Variants in IGF1R observed in about 807,000 individuals in gnomAD.
IGF1R encodes insulin-like growth factor 1 receptor.
In IGF1R, 44 loss-of-function variants were observed where a neutral mutation model predicts 144.6. The observed-to-expected ratio is 0.30, with a 90% CI of 0.24 to 0.39. The LOEUF (loss-of-function observed/expected upper bound fraction) is 0.39. IGF1R is among the 10% of genes least tolerant of loss of function. The pLI is 1.00. For missense variants in IGF1R, 1,355 were observed against 1,833.7 expected (o/e 0.74, Z 4.77); for synonymous variants, 795 against 722.8 (o/e 1.10, Z -1.60).
At chr15:98,713,897 G>C (rs554372988) in intron 2 of IGF1R, among the ~76,000 whole-genome samples, 1 of 152,190 alleles carries the variant, frequency 6.6e-6, no homozygotes, top group Non-Finnish European at 1.5e-5. Context: ...AGAAGGCCTG[G>C]GCTTTGCCAG....
At chr15:98,872,726 C>T (rs1219399760) in intron 2 of IGF1R, among the ~76,000 whole-genome samples, 1 of 152,174 alleles carries the variant, frequency 6.6e-6, no homozygotes, top group Non-Finnish European at 1.5e-5. Context: ...TTCATTCTAA[C>T]CCGAGAGTCC....
intron 2 of IGF1R, among the ~76,000 whole-genome samples, chr15:98,717,032 C>T (rs2054134110): frequency 1.3e-5 from 2 of 152,194 alleles, no homozygotes; most frequent in Non-Finnish European, 2.9e-5. Flanking sequence ...GTACAGCTTT[C>T]CCCTGCTTGT....
chr15:98,715,711 A>G (rs773737795), intron 2 of IGF1R, among the ~76,000 whole-genome samples: 13 of 152,138 alleles, frequency 8.5e-5, no homozygotes, highest in Non-Finnish European at 1.5e-4. Flanking sequence ...CATCACTTAG[A>G]AACACGCCTC....
chr15:98,777,223 C>G (rs1426955557), intron 2 of IGF1R, among the ~76,000 whole-genome samples: 2 of 152,238 alleles, frequency 1.3e-5, no homozygotes, highest in African/African-American at 4.8e-5. Context: ...GGATTTTGCA[C>G]TTGCCGCAGT....
At chr15:98,795,776 T>G (rs2056227821) in intron 2 of IGF1R, among the ~76,000 whole-genome samples, 1 of 152,206 alleles carries the variant, frequency 6.6e-6, no homozygotes, top group Non-Finnish European at 1.5e-5. Flanking sequence ...AAATGCTGTT[T>G]CCTGAGAACT....
At chr15:98,957,040 T>C (rs1024536752) in intron 20 of IGF1R, 21 bp from the exon 21 acceptor site, 4 of 1,613,892 alleles carry the variant, frequency 2.5e-6, no homozygotes, top group Non-Finnish European at 3.4e-6. Context: ...TTGGACCCCC[T>C]CCCGTGTGTC....
In IGF1R at chr15:98,922,428, G is replaced by T. The variant is rs35224135; in HGVS notation, c.2482G>T (p.Ala828Ser). Reference protein sequence around the residue: ...SNFVFARTMPAEGADDIPGPV... With the variant: ...SNFVFARTMPSEGADDIPGPV... ...CTTCGTCTTTGCAAGGACTATGCCC[G>T]CAGGTATGGTATGATCCAGCTGGCC... Residue 828 changes from alanine to serine, a missense_variant, in exon 11 of 21, where the codon GCA becomes TCA. Ala to Ser is a moderately conservative substitution (Grantham distance 99). Coordinates refer to ENST00000650285, the MANE Select transcript of IGF1R (RefSeq NM_000875.5). 1.2e-6 allele frequency: 2 copies of T among 1,609,526 alleles called. No individual in the cohort carries two copies. Among genetic ancestry groups the T allele is most frequent in the South Asian group, 1.1e-5 (1 of 91,040 alleles).
In IGF1R at chr15:98,661,313, C is replaced by T. The variant is rs893971244; in HGVS notation, c.94+11638C>T. Among the ~76,000 whole-genome samples the T allele has an allele frequency of 2.0e-4, 30 of 152,116 alleles. 1 individual carries two copies. The highest frequency in any genetic ancestry group is 1.8e-3 in the Admixed American group (27 of 15,276). The stretch of plus-strand genomic sequence containing the variant: ...CTTTGACAGTGTCCTGGTAGGGCGA[C>T]GGTGAGGCCAGCTCCCGACCTCTGG... On this transcript the variant is annotated intron_variant, in intron 1 of 20. Transcript: ENST00000650285.
At chr15:98,868,123 G>A (rs983414030) in intron 2 of IGF1R, among the ~76,000 whole-genome samples, 14 of 152,154 alleles carry the variant, frequency 9.2e-5, no homozygotes, top group African/African-American at 2.4e-4. Flanking sequence ...GGAGTTGGGG[G>A]TTGCAGTGAG....
intron 2 of IGF1R, among the ~76,000 whole-genome samples, chr15:98,773,550 T>C (rs1238349411): frequency 6.6e-6 from 1 of 152,190 alleles, no homozygotes; most frequent in Non-Finnish European, 1.5e-5. Flanking sequence ...CATTTCCTTT[T>C]GCTCACAGCG....
At chr15:98,679,565 G>A (rs1053822058) in intron 1 of IGF1R, among the ~76,000 whole-genome samples, 18 of 152,158 alleles carry the variant, frequency 1.2e-4, no homozygotes, top group Non-Finnish European at 2.4e-4. Flanking sequence ...TGTTGATGCT[G>A]GTGTAAGCCC....
chr15:98,828,188 T>C (rs1350660745), intron 2 of IGF1R, among the ~76,000 whole-genome samples: 1 of 152,158 alleles, frequency 6.6e-6, no homozygotes, highest in Non-Finnish European at 1.5e-5. Flanking sequence ...ACAAAGGACA[T>C]AAGGTAGTTC....
intron 2 of IGF1R, chr15:98,890,572 T>G (rs1380177346): frequency 6.5e-6 from 1 of 152,852 alleles, no homozygotes; most frequent in Non-Finnish European, 1.5e-5. Flanking sequence ...TTCCTTTACT[T>G]TCCTAATCAG....
At chr15:98,748,294 G>A (rs1482738763) in intron 2 of IGF1R, among the ~76,000 whole-genome samples, 1 of 152,048 alleles carries the variant, frequency 6.6e-6, no homozygotes, top group Non-Finnish European at 1.5e-5. Context: ...AGCCTCCTGA[G>A]TAGCTGGAAC....
intron 20 of IGF1R, among the ~76,000 whole-genome samples, chr15:98,949,826 C>T (rs2016705417): frequency 6.6e-6 from 1 of 152,106 alleles, no homozygotes; most frequent in Admixed American, 6.5e-5. Flanking sequence ...TGCTCTGTGT[C>T]CGTGGACGGT....
intron 2 of IGF1R, among the ~76,000 whole-genome samples, chr15:98,731,989 G>T (rs923206685): frequency 4.6e-5 from 7 of 152,184 alleles, no homozygotes; most frequent in African/African-American, 1.7e-4. Flanking sequence ...CAAGCTCTGG[G>T]TGTTGGGCGT....
At chr15:98,871,923 G>GTTTT (rs2012806651) in intron 2 of IGF1R, among the ~76,000 whole-genome samples, 1 of 152,196 alleles carries the variant, frequency 6.6e-6, no homozygotes, top group African/African-American at 2.4e-5. Flanking sequence ...TTGTTTGTTT[G>GTTTT]TTGAAGAGCC....
intron 8 of IGF1R, among the ~76,000 whole-genome samples, chr15:98,915,403 G>A (rs907927118): frequency 2.0e-5 from 3 of 152,222 alleles, no homozygotes; most frequent in African/African-American, 7.2e-5. Context: ...GGACTTCCGT[G>A]TTCTTTGCAT....
chr15:98,956,489 T>C (rs958594872), intron 20 of IGF1R, among the ~76,000 whole-genome samples: 1 of 152,212 alleles, frequency 6.6e-6, no homozygotes, highest in African/African-American at 2.4e-5. Context: ...GTGCATTTCT[T>C]CGTGTTGCAA....
Sources: gnomAD v4.1 joint callset for allele counts (sites outside exome capture counted in the v4.1 genomes callset) on GRCh38, gnomAD v4.1.1 for gene constraint, MANE v1.5 for transcripts, NCBI Gene and HGNC (gene_info 2026-07-23, HGNC 2026-07-21) for gene names.